RTN4: variants seen among roughly 807,000 people sequenced by gnomAD.
RTN4 encodes reticulon-4.
RTN4 carries 32 observed loss-of-function variants against 90.4 expected under a neutral mutation model. The ratio of observed to expected loss-of-function variants is 0.35; its 90% confidence interval spans 0.27 to 0.48. RTN4 has a LOEUF of 0.48. Ranked by LOEUF, RTN4 falls within the 20% of genes least tolerant of loss-of-function variation. The pLI, the probability that RTN4 is intolerant of heterozygous loss-of-function variation, is 0.99. For synonymous variants in RTN4, 629 were observed against 552.5 expected (o/e 1.14, Z -1.94); for missense variants, 1,706 against 1,430.2 (o/e 1.19, Z -3.11).
the RTN4 span, among the ~76,000 whole-genome samples, chr2:55,134,439 G>A: frequency 6.6e-6 from 1 of 152,048 alleles, no homozygotes; most frequent in Admixed American, 6.6e-5. Flanking sequence ...GACTCCCCCA[G>A]GTCCAAAGTC....
At chr2:55,083,795 TAAG>T (rs1369301736) in intron 1 of RTN4, among the ~76,000 whole-genome samples, 1 of 152,204 alleles carries the variant, frequency 6.6e-6, no homozygotes, top group Non-Finnish European at 1.5e-5. Flanking sequence ...CTGTGTGAAA[TAAG>T]AAGAAGCATA....
chr2:55,034,870 T>C (rs1225143095), intron 1 of RTN4, among the ~76,000 whole-genome samples: 3 of 152,156 alleles, frequency 2.0e-5, no homozygotes, highest in Admixed American at 1.3e-4. Flanking sequence ...ATGAAAATAG[T>C]ATATGAAAGT....
intron 1 of RTN4, among the ~76,000 whole-genome samples, chr2:55,084,046 A>C (rs1382511443): frequency 6.6e-6 from 1 of 152,198 alleles, no homozygotes; most frequent in Admixed American, 6.5e-5. Context: ...CCCATGATTA[A>C]AAGTTTGGAA....
chr2:55,009,746 T>C (rs1475280455), intron 3 of RTN4, among the ~76,000 whole-genome samples: 1 of 152,214 alleles, frequency 6.6e-6, no homozygotes, highest in East Asian at 1.9e-4. Context: ...AATATGTCAC[T>C]GTGAAACACA....
intron 2 of RTN4, among the ~76,000 whole-genome samples, chr2:55,077,792 CAG>C (rs1553450618): frequency 4.8e-5 from 7 of 146,406 alleles, no homozygotes; most frequent in East Asian, 2.0e-4. Context: ...CACACACACA[CAG>C]ACACACCATA....
At chr2:55,012,953 T>C (rs1680749247) in intron 3 of RTN4, among the ~76,000 whole-genome samples, 1 of 152,168 alleles carries the variant, frequency 6.6e-6, no homozygotes, top group Non-Finnish European at 1.5e-5. Flanking sequence ...CTTATCTTCA[T>C]TTATTTTGTT....
intron 1 of RTN4, among the ~76,000 whole-genome samples, chr2:55,095,430 T>C (rs1669014077): frequency 6.6e-6 from 1 of 152,196 alleles, no homozygotes; most frequent in South Asian, 2.1e-4. Flanking sequence ...ATTAACATCT[T>C]ATATTTGTGA....
chr2:55,053,464 A>C (rs1167223046), upstream of RTN4, among the ~76,000 whole-genome samples: 3 of 152,168 alleles, frequency 2.0e-5, no homozygotes, highest in Non-Finnish European at 4.4e-5. Flanking sequence ...AGGCGGGTAG[A>C]TCTCTTGAGG....
At chr2:55,072,976 A>T (rs1009576745) in intron 2 of RTN4, among the ~76,000 whole-genome samples, 6 of 152,188 alleles carry the variant, frequency 3.9e-5, no homozygotes, top group Non-Finnish European at 7.4e-5. Context: ...TCAGTTGCTC[A>T]TTCTTTCATC....
chr2:54,994,804 T>C (rs1044441074), intron 3 of RTN4, among the ~76,000 whole-genome samples: 2 of 152,162 alleles, frequency 1.3e-5, no homozygotes, highest in African/African-American at 4.8e-5. Flanking sequence ...ATACAGTAAA[T>C]CCTCACTTAA....
At chr2:54,992,308 T>C (rs1349631597) in intron 3 of RTN4, among the ~76,000 whole-genome samples, 4 of 152,208 alleles carry the variant, frequency 2.6e-5, no homozygotes, top group Non-Finnish European at 5.9e-5. Flanking sequence ...TTCTCCATTG[T>C]ATGATGCCAA....
chr2:55,109,097 C>T (rs1009163035), intron 1 of RTN4, among the ~76,000 whole-genome samples: 22 of 152,002 alleles, frequency 1.4e-4, no homozygotes, highest in African/African-American at 4.6e-4. Flanking sequence ...ACTTTTGAAA[C>T]GTTTCAGCCA....
chr2:54,983,658 G>T (rs57397060), intron 4 of RTN4, among the ~76,000 whole-genome samples: 1 of 152,008 alleles, frequency 6.6e-6, no homozygotes. Flanking sequence ...TACTATTTAC[G>T]AGCTGGAATA....
At chr2:55,118,208 G>C in the RTN4 span, among the ~76,000 whole-genome samples, 1 of 152,078 alleles carries the variant, frequency 6.6e-6, no homozygotes, top group South Asian at 2.1e-4. Flanking sequence ...GCTTATGCCT[G>C]TAATCCCAGC....
intron 1 of RTN4, among the ~76,000 whole-genome samples, chr2:55,047,952 A>C (rs1412640428): frequency 1.3e-5 from 2 of 152,230 alleles, no homozygotes; most frequent in African/African-American, 4.8e-5. Context: ...ACAGGATCTG[A>C]GAAATGTATT....
chr2:55,132,239 A>G, the RTN4 span, among the ~76,000 whole-genome samples: 3 of 152,204 alleles, frequency 2.0e-5, no homozygotes, highest in African/African-American at 7.2e-5. Context: ...GCAGTGGCTC[A>G]TGCTTGCAAT....
chr2:55,018,394 G>C (rs1352495099), intron 3 of RTN4, among the ~76,000 whole-genome samples: 1 of 152,154 alleles, frequency 6.6e-6, no homozygotes, highest in Non-Finnish European at 1.5e-5. Context: ...TTAGTCAGTG[G>C]GAGAAGGACG....
intron 2 of RTN4, among the ~76,000 whole-genome samples, chr2:55,070,563 AAAAGAAAG>A (rs1184353401): frequency 1.3e-5 from 2 of 148,600 alleles, no homozygotes; most frequent in African/African-American, 5.0e-5. Flanking sequence ...AAAAAAAAAA[AAAAGAAAG>A]AAAGAAAGAA....
chr2:55,096,544 A>G (rs1195715204), intron 1 of RTN4, among the ~76,000 whole-genome samples: 1 of 152,140 alleles, frequency 6.6e-6, no homozygotes, highest in Non-Finnish European at 1.5e-5. Flanking sequence ...AAGTTCCCAG[A>G]CTGTTCTCAG....
Sources: gnomAD v4.1 joint callset for allele counts (sites outside exome capture counted in the v4.1 genomes callset) on GRCh38, gnomAD v4.1.1 for gene constraint, MANE v1.5 for transcripts, NCBI Gene and HGNC (gene_info 2026-07-23, HGNC 2026-07-21) for gene names.